The following ELF1 variants were observed in gnomAD, a reference collection of about 807,000 sequenced individuals.
ELF1 encodes the protein ETS-related transcription factor Elf-1.
A neutral mutation model predicts 59.9 loss-of-function variants in ELF1; 24 were observed. The ratio of observed to expected loss-of-function variants is 0.40; its 90% CI spans 0.29 to 0.56. The LOEUF (loss-of-function observed/expected upper bound fraction) is 0.56, where lower values mean the gene tolerates loss of function less well. ELF1 is among the 20% of genes least tolerant of loss of function. The probability of loss-of-function intolerance (pLI) is 0.44; values close to 1 mark genes in which losing one functional copy is unlikely to be tolerated. For synonymous variants in ELF1, 248 were observed against 266.2 expected, an observed-to-expected ratio of 0.93 and a Z score of 0.67; for missense variants, 627 against 742.2, an observed-to-expected ratio of 0.84 and a Z score of 1.80.
rs932608124 is a variant in ELF1 at position 41,037,612 on chromosome 13, T to A, written c.-229+23226A>T. Among the ~76,000 whole-genome samples, 4 of 151,984 alleles carry A rather than the reference T, an allele frequency of 2.6e-5. No homozygotes were observed. In the East Asian group the frequency reaches 7.8e-4, roughly 29 times the overall value. ...GAGTTTGAGACCAGCCTGGCCAATA[T>A]GGTGAAACCTCATCTCTACTAAAAA... On this transcript the variant is annotated intron_variant, in intron 1 of 1. Coordinates refer to the ELF1 transcript ENST00000405737.
At chr13:40,978,187 G>A (rs1873034248) in intron 2 of ELF1, among the ~76,000 whole-genome samples, 2 of 152,066 alleles carry the variant, frequency 1.3e-5, no homozygotes, top group South Asian at 2.1e-4. Context: ...AGACCATCCT[G>A]GGCAACATGG....
intron 1 of ELF1, among the ~76,000 whole-genome samples, chr13:41,006,550 TG>T (rs1874771510): frequency 6.6e-6 from 1 of 152,190 alleles, no homozygotes; most frequent in Non-Finnish European, 1.5e-5. Context: ...GTAACTGTTC[TG>T]TTCTACCAAG....
At chr13:41,012,540 C>CTTTTTT (rs1875133245) in intron 1 of ELF1, among the ~76,000 whole-genome samples, 1 of 136,964 alleles carries the variant, frequency 7.3e-6, no homozygotes. Context: ...TTTTTCTTTT[C>CTTTTTT]TTTTCTTTTT....
intron 1 of ELF1, among the ~76,000 whole-genome samples, chr13:41,016,914 CAAAAAAAAAAAAAAAAAAAAAA>C (rs1164306892): frequency 2.3e-4 from 3 of 12,908 alleles, no homozygotes; most frequent in African/African-American, 5.0e-4. Flanking sequence ...AACTCCGTCT[CAAAAAAAAAAAAAAAAAAAAAA>C]AAAAAAAAAA....
intron 2 of ELF1, among the ~76,000 whole-genome samples, chr13:40,965,311 G>A (rs1444447036): frequency 1.3e-5 from 2 of 152,118 alleles, no homozygotes; most frequent in Non-Finnish European, 2.9e-5. Flanking sequence ...GCAATAAGAT[G>A]TTACCTACTT....
intron 3 of ELF1, among the ~76,000 whole-genome samples, chr13:40,952,225 G>A (rs995836237): frequency 4.6e-5 from 7 of 151,992 alleles, no homozygotes; most frequent in Admixed American, 4.6e-4. Flanking sequence ...CCCTCTAACT[G>A]AGTAGTCATA....
chr13:41,060,403 G>A (rs1042494516), intron 1 of ELF1, among the ~76,000 whole-genome samples: 20 of 152,340 alleles, frequency 1.3e-4, no homozygotes, highest in Non-Finnish European at 2.5e-4. Flanking sequence ...ACGCAAGGCC[G>A]GAGTTAATCA....
intron 1 of ELF1, among the ~76,000 whole-genome samples, chr13:41,005,450 CAAAAA>C (rs11383900): frequency 3.6e-5 from 2 of 55,002 alleles, no homozygotes; most frequent in Non-Finnish European, 6.8e-5. Context: ...TATACCTATC[CAAAAA>C]AAAAAAAAAA....
At chr13:40,958,781 GAC>G in intron 3 of ELF1, 53 bp downstream of exon 3, 1 of 1,539,242 alleles carries the variant, frequency 6.5e-7, no homozygotes. Context: ...TCAGGATTAG[GAC>G]ACTGCCTAAA....
At position 40,933,491 on chromosome 13, in the gene ELF1, A is replaced by G. The variant is rs1357890946; in HGVS notation, c.1794T>C (p.Ser598=). The stretch of plus-strand genomic sequence containing the variant: ...CTACCTGAGAAGTAAATCCATTGGA[A>G]CTGGACACTACCATCACATAAGGCT... ...QPQPYVMVVS[S]SNGFTSQVAM... The change falls in exon 9 of 9, where the codon AGT becomes AGC. Residue 598 remains serine, a synonymous_variant. Transcript: ENST00000239882. 1 of 1,614,146 alleles carries G rather than the reference A, an allele frequency of 6.2e-7. No individual in the cohort carries two copies. Among genetic ancestry groups the G allele is most frequent in the Non-Finnish European group, 8.5e-7 (1 of 1,180,054 alleles).
chr13:41,042,155 T>C (rs972076516), intron 1 of ELF1, among the ~76,000 whole-genome samples: 1 of 152,126 alleles, frequency 6.6e-6, no homozygotes, highest in Non-Finnish European at 1.5e-5. Flanking sequence ...CCTGAGTACC[T>C]AGGATTACAG....
At position 40,958,838 on chromosome 13, in the gene ELF1, G is replaced by A. The variant is rs763216206; in HGVS notation, c.251C>T (p.Thr84Ile). ...IDDDDDDITL[T>I]VEASCHDGDE... ...CTACTGGATGGAGACACACGCACCT[G>A]TAAGGGTGATGTCATCATCATCATC... The change falls in exon 3 of 9, where the codon ACA becomes ATA. Residue 84 changes from threonine to isoleucine, a missense_variant and splice_region_variant. Physicochemically the swap from Thr to Ile is moderately conservative, Grantham distance 89. This residue lies in a region of ELF1 where 232 missense variants were observed against 269.2 expected (regional missense o/e 0.86). Transcript: ENST00000239882. 1.9e-6 allele frequency: 3 copies of A among 1,608,762 alleles called. No individual in the cohort carries two copies. Among genetic ancestry groups the A allele is most frequent in the East Asian group, 4.5e-5 (2 of 44,892 alleles).
intron 7 of ELF1, among the ~76,000 whole-genome samples, chr13:40,942,509 C>G (rs966667937): frequency 2.0e-5 from 3 of 152,112 alleles, no homozygotes; most frequent in African/African-American, 7.2e-5. Flanking sequence ...ACTTGCAATT[C>G]ATGTTTGAGA....
At chr13:40,957,515 A>AG (rs540217314) in intron 3 of ELF1, among the ~76,000 whole-genome samples, 44 of 151,638 alleles carry the variant, frequency 2.9e-4, no homozygotes, top group Non-Finnish European at 4.7e-4. Context: ...ATTTAAAAAA[A>AG]AAAAAAAGAA....
rs990847340 is a variant in ELF1, at chr13:40,941,186, C to G, written c.991G>C (p.Val331Leu). Residue 331 changes from valine (V) to leucine (L), a missense_variant, in exon 8 of 9, where the codon GTA (valine) becomes CTA (leucine). By Grantham distance (32) the Val-to-Leu change is conservative. Transcript: ENST00000239882. ...CCTTTTACCCCTGGACTTGAAGATA[C>G]TCTCGACCGGCTGGTTTGATTCCTA... ...SNRNQTSRSRVSSSPGVKGGA... is the reference protein window; with the variant it reads ...SNRNQTSRSRLSSSPGVKGGA... 1.9e-6 allele frequency: 3 copies of G among 1,614,098 alleles called. No homozygotes were observed. Among genetic ancestry groups the G allele is most frequent in the Non-Finnish European group, 2.5e-6 (3 of 1,179,936 alleles).
chr13:41,003,182 T>C (rs2138340790), intron 1 of ELF1, among the ~76,000 whole-genome samples: 1 of 152,322 alleles, frequency 6.6e-6, no homozygotes, highest in South Asian at 2.1e-4. Context: ...TACATATATG[T>C]ATTTTTCTGA....
intron 2 of ELF1, among the ~76,000 whole-genome samples, chr13:40,963,911 G>GA (rs530094659): frequency 0.051 from 6,958 of 136,768 alleles, 234 homozygotes; most frequent in Middle Eastern, 0.084. Context: ...GTCTCAAAAA[G>GA]AAAAAAAAAA....
chr13:40,947,249 T>A (rs926347260), intron 5 of ELF1, among the ~76,000 whole-genome samples: 1 of 151,490 alleles, frequency 6.6e-6, no homozygotes, highest in Non-Finnish European at 1.5e-5. Flanking sequence ...TTAAGAAAAA[T>A]TTGTACATAA....
intron 1 of ELF1, among the ~76,000 whole-genome samples, chr13:40,992,307 C>T (rs1354159350): frequency 6.6e-6 from 1 of 152,184 alleles, no homozygotes; most frequent in Non-Finnish European, 1.5e-5. Flanking sequence ...CATCTGTGAA[C>T]ACACATTTCC....
Sources: gnomAD v4.1 joint callset for allele counts (sites outside exome capture counted in the v4.1 genomes callset) on GRCh38, gnomAD v4.1.1 for gene constraint, gnomAD v4.1.1 regional missense constraint, MANE v1.5 for transcripts, NCBI Gene and HGNC (gene_info 2026-07-23, HGNC 2026-07-21) for gene names.